Variants in GNA14 observed in about 807,000 individuals in gnomAD.
The protein encoded by GNA14 is G protein subunit alpha 14.
Under a neutral mutation model 42.0 loss-of-function variants are expected in GNA14, and 50 were observed. The ratio of observed to expected loss-of-function variants is 1.19; its 90% confidence interval spans 0.95 to 1.51. The LOEUF is 1.51. GNA14 is among the 40% of genes most tolerant of loss of function. The pLI is 0.00. For missense variants in GNA14, 473 were observed against 446.2 expected, an observed-to-expected ratio of 1.06 and a Z score of -0.54; for synonymous variants, 173 against 163.1, an observed-to-expected ratio of 1.06 and a Z score of -0.46.
At chr9:77,559,705 C>G (rs1471915820) in intron 1 of GNA14, among the ~76,000 whole-genome samples, 1 of 152,190 alleles carries the variant, frequency 6.6e-6, no homozygotes, top group East Asian at 1.9e-4. Flanking sequence ...CAGGTTTATT[C>G]ACAAAGAAAG....
chr9:77,558,834 C>T (rs144905375), intron 1 of GNA14, among the ~76,000 whole-genome samples: 115 of 151,682 alleles, frequency 7.6e-4, no homozygotes, highest in African/African-American at 1.2e-3. Context: ...TGTTTACTTC[C>T]GTATTCTAAA....
rs71358612 is a variant in GNA14, at chr9:77,564,296, TA to T, written c.125-35044del. On this transcript the variant is annotated intron_variant, in intron 1 of 6. Coordinates refer to ENST00000341700, the MANE Select transcript of GNA14 (RefSeq NM_004297.4). ...GCAGAAAAGTCCAGGCAGCACAATT[TA>T]AAAAAAAAAAAAAAAAACTTATTTT... 7.8e-3 allele frequency among the ~76,000 whole-genome samples: 1,052 copies of T among 134,824 alleles called. 18 individuals carry two copies. The highest frequency in any genetic ancestry group is 0.025 in the African/African-American group (929 of 36,964). 88.4% of individuals were successfully genotyped at this position (134,824 alleles called of 152,430 possible). A position where few individuals can be genotyped will look rare whatever the true frequency, so the allele number is the denominator to read the frequency against.
intron 6 of GNA14, among the ~76,000 whole-genome samples, chr9:77,425,006 T>TA (rs1367015356): frequency 2.0e-5 from 3 of 152,136 alleles, no homozygotes; most frequent in African/African-American, 7.2e-5. Context: ...TTGGACAGGT[T>TA]ATGTGAGTCC....
chr9:77,603,969 A>AAAAAAAAAAAAAC, intron 1 of GNA14, among the ~76,000 whole-genome samples: 1 of 149,374 alleles, frequency 6.7e-6, no homozygotes, highest in South Asian at 2.1e-4. Context: ...AAAAAAAAAA[A>AAAAAAAAAAAAAC]AAAAAAAAAA....
At chr9:77,518,917 T>A (rs1426621044) in intron 2 of GNA14, among the ~76,000 whole-genome samples, 1 of 152,200 alleles carries the variant, frequency 6.6e-6, no homozygotes, top group Non-Finnish European at 1.5e-5. Flanking sequence ...ATAAAAGATA[T>A]TTTACATCAG....
At chr9:77,546,215 C>CAA (rs764378681) in intron 1 of GNA14, among the ~76,000 whole-genome samples, 495 of 42,468 alleles carry the variant, frequency 0.012, 9 homozygotes, top group African/African-American at 0.02. Flanking sequence ...AGCTCCATCT[C>CAA]AAAAAAAAAA....
intron 2 of GNA14, among the ~76,000 whole-genome samples, chr9:77,472,608 T>C (rs1836350781): frequency 6.6e-6 from 1 of 152,196 alleles, no homozygotes; most frequent in Non-Finnish European, 1.5e-5. Flanking sequence ...TAAGAATCAA[T>C]TGTAGTTTTA....
intron 2 of GNA14, among the ~76,000 whole-genome samples, chr9:77,493,200 CAA>C (rs1189284624): frequency 6.6e-6 from 1 of 151,082 alleles, no homozygotes; most frequent in Non-Finnish European, 1.5e-5. Context: ...TAAGCCCACA[CAA>C]AGTCTTATCT....
At chr9:77,637,693 G>C (rs978203706) in intron 1 of GNA14, among the ~76,000 whole-genome samples, 1 of 152,018 alleles carries the variant, frequency 6.6e-6, no homozygotes, top group Non-Finnish European at 1.5e-5. Flanking sequence ...CATCTCCAAA[G>C]AAATATTTAA....
chr9:77,614,132 G>A (rs1255133185), intron 1 of GNA14, among the ~76,000 whole-genome samples: 1 of 152,046 alleles, frequency 6.6e-6, no homozygotes, highest in African/African-American at 2.4e-5. Context: ...TTCATGGTTG[G>A]CCAGCTTTCC....
chr9:77,599,218 G>C (rs1462389289), intron 1 of GNA14, among the ~76,000 whole-genome samples: 1 of 152,194 alleles, frequency 6.6e-6, no homozygotes, highest in African/African-American at 2.4e-5. Context: ...TCTAGACGAT[G>C]ATGACAACAT....
At chr9:77,569,750 GT>G (rs1329492201) in intron 1 of GNA14, among the ~76,000 whole-genome samples, 1 of 151,406 alleles carries the variant, frequency 6.6e-6, no homozygotes, top group Non-Finnish European at 1.5e-5. Flanking sequence ...GTAGGGATAT[GT>G]TTTTCTTTTC....
At chr9:77,543,992 T>C (rs561498819) in intron 1 of GNA14, among the ~76,000 whole-genome samples, 2 of 152,328 alleles carry the variant, frequency 1.3e-5, no homozygotes, top group South Asian at 4.1e-4. Context: ...ATTATAAATA[T>C]GGTATTCCTA....
intron 1 of GNA14, among the ~76,000 whole-genome samples, chr9:77,610,449 G>A (rs1564065999): frequency 1.3e-5 from 2 of 152,196 alleles, no homozygotes; most frequent in African/African-American, 4.8e-5. Flanking sequence ...TGAAGAGACA[G>A]AGGCAAAATC....
In GNA14 at chr9:77,461,964, T is replaced by C. The variant is rs1014343928; in HGVS notation, c.310-27442A>G. ...ATATAATTGCTTTCTACACGCTTTT[T>C]TGTTGTTGTTGAGAAACCGCTATTA... On this transcript the variant is annotated intron_variant, in intron 2 of 6. Transcript: ENST00000341700. 1.4e-4 allele frequency among the ~76,000 whole-genome samples: 21 copies of C among 152,034 alleles called. No homozygotes were observed. In the South Asian group the frequency reaches 1.5e-3, roughly 11 times the overall value.
rs754794206 is a variant in GNA14, at chr9:77,423,968, G to A, written c.*11C>T. The A allele has an allele frequency of 1.7e-5, 26 of 1,563,022 alleles. No homozygotes were observed. Among genetic ancestry groups the A allele is most frequent in the Admixed American group, 5.4e-5 (3 of 55,844 alleles). On this transcript the variant is annotated 3_prime_UTR_variant, in exon 7 of 7. Coordinates refer to ENST00000341700, the MANE Select transcript of GNA14 (RefSeq NM_004297.4). ...CATCTTCTGTTATAGGGGAGGAGTG[G>A]GCAGCAGCTTTTAGACAAGGTTGAA...
At chr9:77,641,821 C>A (rs537159175) in intron 1 of GNA14, among the ~76,000 whole-genome samples, 1 of 152,020 alleles carries the variant, frequency 6.6e-6, no homozygotes, top group Non-Finnish European at 1.5e-5. Flanking sequence ...AATGTACAGA[C>A]CTTTCATAAG....
intron 1 of GNA14, among the ~76,000 whole-genome samples, chr9:77,643,275 T>A (rs1392648551): frequency 6.6e-6 from 1 of 151,430 alleles, no homozygotes; most frequent in African/African-American, 2.4e-5. Context: ...GTTTCACTCT[T>A]GTCACCCAGG....
chr9:77,611,453 A>G (rs1823729536), intron 1 of GNA14, among the ~76,000 whole-genome samples: 1 of 152,172 alleles, frequency 6.6e-6, no homozygotes. Context: ...TACTCTGGAG[A>G]AAGACATTGC....
Sources: allele counts gnomAD v4.1 joint callset (sites outside exome capture counted in the v4.1 genomes callset), GRCh38; gene constraint gnomAD v4.1.1; transcripts MANE v1.5; gene names NCBI Gene and HGNC (gene_info 2026-07-23, HGNC 2026-07-21).